The following MCTP2 variants were observed in gnomAD, a reference collection of about 807,000 sequenced individuals.
The protein encoded by MCTP2 is multiple C2 and transmembrane domain-containing protein 2.
MCTP2 carries 132 observed loss-of-function variants against 111.6 expected under a neutral mutation model. The ratio of observed to expected loss-of-function variants is 1.18; its 90% CI spans 1.03 to 1.37. MCTP2 has a LOEUF of 1.37. Ranked by LOEUF, MCTP2 falls within the 40% of genes most tolerant of loss-of-function variation. MCTP2 has a pLI of 0.00. For synonymous variants in MCTP2, 395 were observed against 387.7 expected, an observed-to-expected ratio of 1.02 and a Z score of -0.22; for missense variants, 1,183 against 1,067.9, an observed-to-expected ratio of 1.11 and a Z score of -1.50.
At chr15:94,424,392 T>C (rs2082777009) in intron 17 of MCTP2, among the ~76,000 whole-genome samples, 2 of 152,178 alleles carry the variant, frequency 1.3e-5, no homozygotes, top group Non-Finnish European at 2.9e-5. Context: ...CGTGTAAGAA[T>C]TTAGAGCAAT....
At chr15:94,413,060 TAAG>T (rs1401395066) in intron 17 of MCTP2, among the ~76,000 whole-genome samples, 1 of 151,894 alleles carries the variant, frequency 6.6e-6, no homozygotes, top group Non-Finnish European at 1.5e-5. Context: ...GGTTGGGGAA[TAAG>T]AGGAGGGAGA....
chr15:94,430,393 T>TCACACACA lies in MCTP2; in HGVS notation c.2086-9739_2086-9732dup, dbSNP rs35129445. On this transcript the variant is annotated intron_variant, in intron 17 of 22. Transcript: ENST00000357742. Reference sequence around the variant, plus strand: ...ACAAACAAAAAAAACCCAAAAACAATCACACACACACACACACACACACAC... The same window carrying TCACACACA: ...ACAAACAAAAAAAACCCAAAAACAATCACACACACACACACACACACACACACACACAC... Among the ~76,000 whole-genome samples, 428 of 107,190 alleles carry TCACACACA rather than the reference T, an allele frequency of 4.0e-3. 5 individuals carry two copies. Among genetic ancestry groups the TCACACACA allele is most frequent in the East Asian group, 0.013 (44 of 3,474 alleles). The allele number at this position is 107,190 out of a possible 152,430, so 70.3% of individuals were successfully genotyped here. A position where few individuals can be genotyped will look rare whatever the true frequency, so the allele number is the denominator to read the frequency against.
chr15:94,400,199 C>A (rs2081498843), intron 16 of MCTP2, among the ~76,000 whole-genome samples: 1 of 152,122 alleles, frequency 6.6e-6, no homozygotes, highest in Non-Finnish European at 1.5e-5. Flanking sequence ...ATAAGAAGGG[C>A]AAGACTTAAA....
At chr15:94,434,264 A>G (rs1310821602) in intron 17 of MCTP2, among the ~76,000 whole-genome samples, 1 of 151,746 alleles carries the variant, frequency 6.6e-6, no homozygotes, top group African/African-American at 2.4e-5. Flanking sequence ...CATCACACCC[A>G]GCTCATTTTT....
At chr15:94,322,173 T>C (rs1157449462) in intron 4 of MCTP2, among the ~76,000 whole-genome samples, 1 of 152,210 alleles carries the variant, frequency 6.6e-6, no homozygotes, top group Non-Finnish European at 1.5e-5. Context: ...AACACGGATC[T>C]AATTAATCAC....
Position 94,402,279 on chromosome 15 carries a change from G to C in MCTP2, c.2085+260G>C. ...GTTACAGCTACATTTGTATAGCCCT[G>C]CATTGTGTGTATTTTTTTTCTTTCT... On this transcript the variant is annotated intron_variant, in intron 17 of 22. Transcript: ENST00000357742. 3.1e-6 allele frequency: 3 copies of C among 982,534 alleles called. No individual in the cohort carries two copies. In the African/African-American group the frequency reaches 5.3e-5, roughly 17 times the overall value. 60.9% of individuals were successfully genotyped at this position (982,534 alleles called of 1,614,324 possible). A position where few individuals can be genotyped will look rare whatever the true frequency, so the allele number is the denominator to read the frequency against.
At chr15:94,443,995 A>AC in intron 19 of MCTP2, among the ~76,000 whole-genome samples, 1 of 149,784 alleles carries the variant, frequency 6.7e-6, no homozygotes, top group Admixed American at 6.6e-5. Context: ...AAAAAAAAAA[A>AC]AAAAAAAAAA....
In MCTP2 at chr15:94,340,184, C is replaced by G. The variant is rs759999913; in HGVS notation, c.781-15C>G. On this transcript the variant is annotated splice_polypyrimidine_tract_variant and intron_variant, in intron 5 of 22. Coordinates refer to ENST00000357742, the MANE Select transcript of MCTP2 (RefSeq NM_001385001.1). ...ACCATAATAATGTGTTAATTGACCT[C>G]TGTCCTCTTTGTAGGTATATGATCG... 3 of 1,590,272 alleles carry G rather than the reference C, an allele frequency of 1.9e-6. No homozygotes were observed. In the East Asian group the frequency reaches 6.7e-5, roughly 36 times the overall value.
At chr15:94,238,244 T>C (rs1164904413) in intron 1 of MCTP2, among the ~76,000 whole-genome samples, 1 of 152,172 alleles carries the variant, frequency 6.6e-6, no homozygotes, top group African/African-American at 2.4e-5. Flanking sequence ...TGTTGAAAGC[T>C]AGTGTTCAGA....
At chr15:94,393,612 A>G (rs2081113957) in intron 14 of MCTP2, among the ~76,000 whole-genome samples, 2 of 152,236 alleles carry the variant, frequency 1.3e-5, no homozygotes, top group South Asian at 2.1e-4. Flanking sequence ...CAAAACAAAA[A>G]TCGCCATCAG....
At chr15:94,377,823 T>C (rs2079861074) in intron 12 of MCTP2, among the ~76,000 whole-genome samples, 1 of 152,050 alleles carries the variant, frequency 6.6e-6, no homozygotes, top group Non-Finnish European at 1.5e-5. Flanking sequence ...CTAGCAGCGA[T>C]GTCAAATAGA....
chr15:94,459,973 C>G (rs1247980526), intron 20 of MCTP2, among the ~76,000 whole-genome samples: 1 of 152,288 alleles, frequency 6.6e-6, no homozygotes, highest in East Asian at 1.9e-4. Context: ...GATGAGGAAA[C>G]TGAATCACAG....
intron 19 of MCTP2, among the ~76,000 whole-genome samples, chr15:94,447,765 A>G (rs890740993): frequency 2.0e-5 from 3 of 152,238 alleles, no homozygotes; most frequent in African/African-American, 4.8e-5. Context: ...ATATTTAACA[A>G]TGATAAAGTG....
chr15:94,439,339 C>G (rs1223203014), intron 17 of MCTP2, among the ~76,000 whole-genome samples: 1 of 150,810 alleles, frequency 6.6e-6, no homozygotes, highest in Admixed American at 6.6e-5. Context: ...TTTTCAAGCA[C>G]TTACAGACAG....
At chr15:94,313,204 C>G (rs911194988) in intron 2 of MCTP2, among the ~76,000 whole-genome samples, 1 of 152,144 alleles carries the variant, frequency 6.6e-6, no homozygotes, top group Non-Finnish European at 1.5e-5. Context: ...CCCATGTCCC[C>G]CCTCCACTCT....
chr15:94,346,829 T>G (rs1308147831), intron 8 of MCTP2, among the ~76,000 whole-genome samples: 1 of 152,108 alleles, frequency 6.6e-6, no homozygotes, highest in East Asian at 1.9e-4. Flanking sequence ...ATCAAAAATA[T>G]GAAGGAAACA....
chr15:94,264,038 G>C (rs907624963), intron 1 of MCTP2, among the ~76,000 whole-genome samples: 6 of 152,132 alleles, frequency 3.9e-5, no homozygotes, highest in African/African-American at 9.7e-5. Context: ...ACTTGGTGCT[G>C]ACACTTGAAA....
chr15:94,288,915 T>G (rs8035826), intron 1 of MCTP2, among the ~76,000 whole-genome samples: 82,032 of 151,998 alleles, frequency 0.54, 22,229 homozygotes, highest in East Asian at 0.6. Context: ...AATAGCAGAC[T>G]GGGGATGACA....
At chr15:94,234,742 A>G (rs1197012143) in intron 1 of MCTP2, among the ~76,000 whole-genome samples, 2 of 152,092 alleles carry the variant, frequency 1.3e-5, no homozygotes, top group African/African-American at 4.8e-5. Context: ...ATTTATTGGG[A>G]GTTTTCTAAT....
Sources: gnomAD v4.1 joint callset for allele counts (sites outside exome capture counted in the v4.1 genomes callset) on GRCh38, gnomAD v4.1.1 for gene constraint, MANE v1.5 for transcripts, NCBI Gene and HGNC (gene_info 2026-07-23, HGNC 2026-07-21) for gene names.